Variants in ENPP2 observed in about 807,000 individuals in gnomAD.
ENPP2 encodes ectonucleotide pyrophosphatase/phosphodiesterase 2.
ENPP2 carries 51 observed loss-of-function variants against 120.2 expected under a neutral mutation model. The observed-to-expected ratio is 0.42, with a 90% CI of 0.34 to 0.54. The LOEUF is 0.54. Ranked by LOEUF, ENPP2 falls within the 20% of genes least tolerant of loss-of-function variation. The probability of loss-of-function intolerance (pLI) is 0.04; values close to 1 mark genes in which losing one functional copy is unlikely to be tolerated. For synonymous variants in ENPP2, 365 were observed against 366.4 expected (o/e 1.00, Z 0.04); for missense variants, 920 against 1,066.5 (o/e 0.86, Z 1.91).
intron 1 of ENPP2, among the ~76,000 whole-genome samples, chr8:119,671,618 A>G (rs908478378): frequency 1.3e-5 from 2 of 152,224 alleles, no homozygotes; most frequent in Admixed American, 6.5e-5. Flanking sequence ...GAAAAGAGGA[A>G]GAGCAGGCCT....
At chr8:119,575,153 T>G (rs1271595059) in intron 19 of ENPP2, among the ~76,000 whole-genome samples, 1 of 152,200 alleles carries the variant, frequency 6.6e-6, no homozygotes, top group Non-Finnish European at 1.5e-5. Context: ...AAAGGTACAC[T>G]GGGCAGGTCA....
chr8:119,569,610 A>G (rs990401737), intron 20 of ENPP2, among the ~76,000 whole-genome samples: 2 of 152,062 alleles, frequency 1.3e-5, no homozygotes, highest in African/African-American at 2.4e-5. Flanking sequence ...CTTAAGAAAA[A>G]CAATATAGAA....
intron 2 of ENPP2, among the ~76,000 whole-genome samples, chr8:119,632,605 AT>A (rs1484210206): frequency 6.6e-6 from 1 of 152,204 alleles, no homozygotes; most frequent in African/African-American, 2.4e-5. Context: ...TGCATTTCTT[AT>A]TTTTCACAGA....
At chr8:119,664,990 T>C (rs1444783549) in intron 1 of ENPP2, among the ~76,000 whole-genome samples, 1 of 152,164 alleles carries the variant, frequency 6.6e-6, no homozygotes, top group South Asian at 2.1e-4. Context: ...GGCAGCAGGA[T>C]TGGTTTCTTC....
chr8:119,593,735 A>G lies in ENPP2; in HGVS notation c.1081+17T>C. 1 of 1,497,772 alleles carries G rather than the reference A, an allele frequency of 6.7e-7. No individual in the cohort carries two copies. The highest frequency in any genetic ancestry group is 9.3e-7 in the Non-Finnish European group (1 of 1,073,908). The allele number at this position is 1,497,772 out of a possible 1,614,324, so 92.8% of individuals were successfully genotyped here. A position where few individuals can be genotyped will look rare whatever the true frequency, so the allele number is the denominator to read the frequency against. On this transcript the variant is annotated intron_variant, in intron 12 of 24. Transcript: ENST00000075322. Reference sequence around the variant, plus strand: ...TTATCCATCTATCCTATTAGCAAAGAAAAAACAAAGCTTTACCATGGTCTC... The same window carrying G: ...TTATCCATCTATCCTATTAGCAAAGGAAAAACAAAGCTTTACCATGGTCTC...
At chr8:119,666,439 T>C (rs1266927830) in intron 1 of ENPP2, among the ~76,000 whole-genome samples, 1 of 152,142 alleles carries the variant, frequency 6.6e-6, no homozygotes, top group African/African-American at 2.4e-5. Context: ...AAAATAATTA[T>C]ATATTCAGTA....
intron 2 of ENPP2, among the ~76,000 whole-genome samples, chr8:119,629,178 A>C (rs1816485339): frequency 6.6e-6 from 1 of 152,110 alleles, no homozygotes; most frequent in South Asian, 2.1e-4. Flanking sequence ...TATGTACAAA[A>C]TATATACCGT....
chr8:119,591,053 G>A (rs983474883), intron 12 of ENPP2, among the ~76,000 whole-genome samples: 1 of 150,492 alleles, frequency 6.6e-6, no homozygotes, highest in Non-Finnish European at 1.5e-5. Context: ...GCTGGGGGTG[G>A]TATAAATGGA....
At chr8:119,618,611 C>A (rs979568448) in intron 5 of ENPP2, 1 of 253,510 alleles carries the variant, frequency 3.9e-6, no homozygotes, top group African/African-American at 2.3e-5. Context: ...ACAATCTGGG[C>A]TCAATGCAAC....
chr8:119,561,839 G>T lies in ENPP2; in HGVS notation c.2421+1018C>A, dbSNP rs143886541. On this transcript the variant is annotated intron_variant, in intron 24 of 24. Coordinates refer to ENST00000075322, the MANE Select transcript of ENPP2 (RefSeq NM_001040092.3). ...TTTGTGTGTGTGTGTGTATGTGTGT[G>T]TATTAAAAAGTTTTCATGGCTGGGT... is the stretch of plus-strand genomic sequence containing the variant. 7.8e-3 allele frequency among the ~76,000 whole-genome samples: 1,194 copies of T among 152,126 alleles called. 7 individuals are homozygous for T. The highest frequency in any genetic ancestry group is 0.012 in the Admixed American group (182 of 15,268).
At chr8:119,653,307 C>T (rs1242966943) in intron 1 of ENPP2, among the ~76,000 whole-genome samples, 1 of 152,176 alleles carries the variant, frequency 6.6e-6, no homozygotes, top group Non-Finnish European at 1.5e-5. Context: ...GAGGATGCAG[C>T]CTCTGCCCCA....
intron 24 of ENPP2, among the ~76,000 whole-genome samples, chr8:119,559,595 G>A (rs1446597676): frequency 6.6e-6 from 1 of 152,218 alleles, no homozygotes; most frequent in East Asian, 1.9e-4. Context: ...CTGCCTTGAT[G>A]TTCGCTGGCA....
chr8:119,642,901 A>G (rs965301), upstream of ENPP2, among the ~76,000 whole-genome samples: 47,268 of 152,046 alleles, frequency 0.31, 8,521 homozygotes, highest in African/African-American at 0.49. Context: ...AAGTGATAGA[A>G]GGTTGTCGTT....
chr8:119,655,573 A>G lies in ENPP2; in HGVS notation c.22-17046T>C, dbSNP rs371421825. 5.9e-5 allele frequency among the ~76,000 whole-genome samples: 9 copies of G among 152,310 alleles called. No homozygotes were observed. In the East Asian group the frequency reaches 1.2e-3, roughly 20 times the overall value. ...AGAATGCATATAATCCCTTCCTCAT[A>G]GGGTTGCTGTGGGAATTAAATACAA... On this transcript the variant is annotated intron_variant, in intron 1 of 25. Transcript: ENST00000427067.
intron 1 of ENPP2, among the ~76,000 whole-genome samples, chr8:119,646,990 ATC>A (rs1340409978): frequency 2.0e-5 from 3 of 150,064 alleles, no homozygotes; most frequent in African/African-American, 4.9e-5. Flanking sequence ...ATTGTCTGTA[ATC>A]TCTCTCTTTT....
chr8:119,662,950 A>C (rs558367072), intron 1 of ENPP2, among the ~76,000 whole-genome samples: 1 of 152,192 alleles, frequency 6.6e-6, no homozygotes, highest in Admixed American at 6.5e-5. Context: ...GTCTCTACCA[A>C]AAATATATTT....
At chr8:119,571,049 C>T (rs1814933449) in intron 19 of ENPP2, 1 of 371,226 alleles carries the variant, frequency 2.7e-6, no homozygotes, top group African/African-American at 2.1e-5. Flanking sequence ...TTACAGTTAT[C>T]AAAACCATAA....
At chr8:119,663,418 T>G (rs1017174603) in intron 1 of ENPP2, among the ~76,000 whole-genome samples, 1 of 152,250 alleles carries the variant, frequency 6.6e-6, no homozygotes, top group Admixed American at 6.5e-5. Context: ...ATATCAGGGA[T>G]GCATTTATCC....
chr8:119,602,776 A>G (rs1199508259), intron 9 of ENPP2, among the ~76,000 whole-genome samples: 1 of 152,240 alleles, frequency 6.6e-6, no homozygotes, highest in African/African-American at 2.4e-5. Flanking sequence ...AGGCATGTTC[A>G]TGATGAATTC....
Sources: gnomAD v4.1 joint callset for allele counts (sites outside exome capture counted in the v4.1 genomes callset) on GRCh38, gnomAD v4.1.1 for gene constraint, MANE v1.5 for transcripts, NCBI Gene and HGNC (gene_info 2026-07-23, HGNC 2026-07-21) for gene names.